SAMTOR: variants seen among roughly 807,000 people sequenced by gnomAD.
SAMTOR encodes the protein UPF0532 protein C7orf60.
the SAMTOR span, chr7:112,939,791 C>T: frequency 6.6e-7 from 1 of 1,504,982 alleles, no homozygotes; most frequent in Non-Finnish European, 9.0e-7. Context: ...CAGGCCCCCG[C>T]AGACGCTCCC....
At chr7:112,908,543 C>T in the SAMTOR span, among the ~76,000 whole-genome samples, 1 of 152,282 alleles carries the variant, frequency 6.6e-6, no homozygotes, top group South Asian at 2.1e-4. Flanking sequence ...CCTATTGCTT[C>T]TGTTTCTCTG....
chr7:112,909,805 A>G, the SAMTOR span, among the ~76,000 whole-genome samples: 1 of 151,774 alleles, frequency 6.6e-6, no homozygotes, highest in African/African-American at 2.4e-5. Context: ...CAAAAATCTT[A>G]TAATATTAAA....
the SAMTOR span, among the ~76,000 whole-genome samples, chr7:112,898,099 G>T: frequency 6.6e-6 from 1 of 152,226 alleles, no homozygotes; most frequent in Non-Finnish European, 1.5e-5. Flanking sequence ...GGTGCCCACA[G>T]GGGGCATTTA....
the SAMTOR span, among the ~76,000 whole-genome samples, chr7:112,918,974 C>A: frequency 6.6e-6 from 1 of 152,150 alleles, no homozygotes; most frequent in South Asian, 2.1e-4. Flanking sequence ...TACAAAGAGA[C>A]TTAGACTCCC....
the SAMTOR span, among the ~76,000 whole-genome samples, chr7:112,896,186 T>C: frequency 6.6e-6 from 1 of 152,044 alleles, no homozygotes; most frequent in Admixed American, 6.6e-5. Flanking sequence ...TCAGGGTGAG[T>C]GTGCGTGCAC....
chr7:112,923,384 G>A, the SAMTOR span, among the ~76,000 whole-genome samples: 1 of 151,956 alleles, frequency 6.6e-6, no homozygotes, highest in African/African-American at 2.4e-5. Context: ...AGAGACCTTT[G>A]TTCACTTGTT....
At chr7:112,895,585 G>A in the SAMTOR span, 2 of 1,553,190 alleles carry the variant, frequency 1.3e-6, no homozygotes, top group Non-Finnish European at 1.8e-6. Flanking sequence ...ATAAATTCAG[G>A]GTTTGTAAAG....
At chr7:112,883,871 A>G in the SAMTOR span, among the ~76,000 whole-genome samples, 1 of 152,206 alleles carries the variant, frequency 6.6e-6, no homozygotes, top group Admixed American at 6.5e-5. Context: ...ATGCACACTA[A>G]TACAATGGTG....
the SAMTOR span, among the ~76,000 whole-genome samples, chr7:112,853,831 A>T: frequency 1.3e-5 from 2 of 152,174 alleles, no homozygotes; most frequent in Non-Finnish European, 2.9e-5. Flanking sequence ...TTCTATGGTT[A>T]AAATACTTTG....
At chr7:112,886,849 G>A in the SAMTOR span, among the ~76,000 whole-genome samples, 1 of 152,126 alleles carries the variant, frequency 6.6e-6, no homozygotes, top group Admixed American at 6.5e-5. Context: ...CTTTCCAATG[G>A]CAATTATTGG....
At chr7:112,927,778 G>A in the SAMTOR span, among the ~76,000 whole-genome samples, 1 of 151,920 alleles carries the variant, frequency 6.6e-6, no homozygotes, top group Non-Finnish European at 1.5e-5. Flanking sequence ...CTAGAACAAA[G>A]TTCACATTAA....
chr7:112,819,210 A>C, the SAMTOR span: 2 of 152,754 alleles, frequency 1.3e-5, no homozygotes, highest in South Asian at 2.1e-4. Flanking sequence ...AAATACAACA[A>C]ACACACACGT....
the SAMTOR span, among the ~76,000 whole-genome samples, chr7:112,856,739 AT>A: frequency 6.6e-6 from 1 of 152,212 alleles, no homozygotes. Flanking sequence ...AAAAATATTT[AT>A]TGTCCAAATG....
chr7:112,912,380 T>C, the SAMTOR span, among the ~76,000 whole-genome samples: 1 of 152,030 alleles, frequency 6.6e-6, no homozygotes, highest in Non-Finnish European at 1.5e-5. Flanking sequence ...ATATTACATA[T>C]AAAATTTTAT....
the SAMTOR span, among the ~76,000 whole-genome samples, chr7:112,863,882 T>C: frequency 2.0e-5 from 3 of 151,964 alleles, no homozygotes; most frequent in Non-Finnish European, 4.4e-5. Flanking sequence ...AGAAATAACT[T>C]TCCATCCCAT....
At chr7:112,856,852 T>C in the SAMTOR span, among the ~76,000 whole-genome samples, 1 of 152,158 alleles carries the variant, frequency 6.6e-6, no homozygotes, top group Non-Finnish European at 1.5e-5. Context: ...TATTCAAAAC[T>C]ATATAGTAAA....
At chr7:112,922,813 C>T in the SAMTOR span, among the ~76,000 whole-genome samples, 11 of 151,868 alleles carry the variant, frequency 7.2e-5, no homozygotes, top group Middle Eastern at 3.4e-3. Context: ...GGCCAGCCGC[C>T]CCGTCCGGGA....
the SAMTOR span, chr7:112,820,281 C>T: frequency 2.6e-5 from 4 of 152,476 alleles, no homozygotes; most frequent in Admixed American, 2.6e-4. Flanking sequence ...CGGCAATTCA[C>T]AATAAGCACA....
chr7:112,851,823 A>G, the SAMTOR span, among the ~76,000 whole-genome samples: 10 of 152,108 alleles, frequency 6.6e-5, no homozygotes, highest in Non-Finnish European at 1.3e-4. Flanking sequence ...TAACAATCCC[A>G]TTTAAAAAGT....
Sources: allele counts gnomAD v4.1 joint callset (sites outside exome capture counted in the v4.1 genomes callset), GRCh38; gene constraint gnomAD v4.1.1; transcripts MANE v1.5; gene names NCBI Gene and HGNC (gene_info 2026-07-23, HGNC 2026-07-21).